ATP8B3: variants seen among roughly 807,000 people sequenced by gnomAD.
The protein encoded by ATP8B3 is phospholipid-transporting ATPase IK.
In ATP8B3, 141 loss-of-function variants were observed where a neutral mutation model predicts 140.9. The observed-to-expected ratio is 1.00, with a 90% CI of 0.87 to 1.15. The LOEUF (loss-of-function observed/expected upper bound fraction) is 1.15, where lower values mean the gene tolerates loss of function less well. Ranked by LOEUF, ATP8B3 falls within the 50% of genes most tolerant of loss-of-function variation. The pLI is 0.00. For missense variants in ATP8B3, 1,874 were observed against 1,740.6 expected (o/e 1.08, Z -1.36); for synonymous variants, 765 against 714.6 (o/e 1.07, Z -1.13).
At position 1,783,277 on chromosome 19, in the gene ATP8B3, A is replaced by C. The variant is rs1457770005; in HGVS notation, c.3661-7T>G. On this transcript the variant is annotated splice_region_variant and splice_polypyrimidine_tract_variant and intron_variant, in intron 28 of 28. Coordinates refer to ENST00000310127, the MANE Select transcript of ATP8B3 (RefSeq NM_138813.4). ...CCTCCTCCACCTTCTCCTCCTGAAG[A>C]GCAAAGGGGAGAGCAGGGGAAGCAG... 6.2e-7 allele frequency: 1 copy of C among 1,604,958 alleles called. No individual in the cohort carries two copies. The highest frequency in any genetic ancestry group is 1.7e-5 in the Admixed American group (1 of 58,576).
At position 1,807,316 on chromosome 19, in the gene ATP8B3, C is replaced by T. The variant is rs1469417715; in HGVS notation, c.517-50G>A. 2.0e-6 allele frequency: 3 copies of T among 1,481,252 alleles called. No homozygotes were observed. Among genetic ancestry groups the T allele is most frequent in the Non-Finnish European group, 2.8e-6 (3 of 1,066,614 alleles). 91.8% of individuals were successfully genotyped at this position (1,481,252 alleles called of 1,614,324 possible). ...GGTCACACCAGCCCACTCCCCCGTCCCCTGCCCTTCCACCAAGCCGACCTA... is the reference window on the plus strand; with the variant it reads ...GGTCACACCAGCCCACTCCCCCGTCTCCTGCCCTTCCACCAAGCCGACCTA... On this transcript the variant is annotated intron_variant, in intron 5 of 28. Coordinates refer to ENST00000310127, the MANE Select transcript of ATP8B3 (RefSeq NM_138813.4). The surrounding 1 kb of genome is among the most constrained non-coding windows in gnomAD (Gnocchi z 5.9).
At chr19:1,808,163 A>G in intron 5 of ATP8B3, 59 bp downstream of exon 5, 1 of 1,384,534 alleles carries the variant, frequency 7.2e-7, no homozygotes, top group Non-Finnish European at 1.0e-6. Context: ...ACACAGACAA[A>G]CACATCGATG....
At chr19:1,796,456 C>T (rs1162231282) in intron 16 of ATP8B3, among the ~76,000 whole-genome samples, 191 bp from the exon 17 acceptor site, 1 of 152,228 alleles carries the variant, frequency 6.6e-6, no homozygotes, top group South Asian at 2.1e-4. Context: ...AACAGATCCT[C>T]GGGCTCCGAC....
chr19:1,796,003 C>T lies in ATP8B3; in HGVS notation c.1943-16G>A. 1 of 1,612,882 alleles carries T rather than the reference C, an allele frequency of 6.2e-7. No homozygotes were observed. The highest frequency in any genetic ancestry group is 8.5e-7 in the Non-Finnish European group (1 of 1,179,722). On this transcript the variant is annotated splice_polypyrimidine_tract_variant and intron_variant, in intron 17 of 28. Transcript: ENST00000310127. The stretch of plus-strand genomic sequence containing the variant: ...GGCTTTCGAACTGTGGGGGAACAGG[C>T]CCTGCTGCCCACAGAGGCTCCCCGT...
chr19:1,803,367 A>C (rs1326764370), intron 10 of ATP8B3, among the ~76,000 whole-genome samples: 1 of 152,146 alleles, frequency 6.6e-6, no homozygotes, highest in Non-Finnish European at 1.5e-5. Flanking sequence ...TGGATGCAGG[A>C]ATTGGAGACG....
At chr19:1,809,989 G>A (rs1239690491) in intron 3 of ATP8B3, among the ~76,000 whole-genome samples, 1 of 152,238 alleles carries the variant, frequency 6.6e-6, no homozygotes, top group Non-Finnish European at 1.5e-5. Context: ...GTCCTGAGAC[G>A]CAGAGAACAG....
chr19:1,785,197 C>T lies in ATP8B3; in HGVS notation c.3494G>A (p.Trp1165Ter). 1.9e-6 allele frequency: 3 copies of T among 1,602,436 alleles called. No individual in the cohort carries two copies. Among genetic ancestry groups the T allele is most frequent in the Non-Finnish European group, 1.7e-6 (2 of 1,174,714 alleles). Residue 1165 changes from tryptophan to a stop codon, truncating the protein, a stop_gained, in exon 27 of 29, where the codon TGG becomes TAG. Transcript: ENST00000310127. LOFTEE classifies it high-confidence loss of function. ...AIMTTTTQSF[W>*]LFRVSPTTFP... Reference sequence around the variant, plus strand: ...GGTCGTGGGGGATACTCTGAAGAGCCAGAAGCTCTGGGTGGTGGTAGTCAT... The same window carrying T: ...GGTCGTGGGGGATACTCTGAAGAGCTAGAAGCTCTGGGTGGTGGTAGTCAT...
At chr19:1,803,568 G>T (rs975525023) in intron 10 of ATP8B3, among the ~76,000 whole-genome samples, 1 of 152,154 alleles carries the variant, frequency 6.6e-6, no homozygotes, top group Non-Finnish European at 1.5e-5. Flanking sequence ...AGGAAGAGCC[G>T]CTGCCTGTCT....
In ATP8B3 at chr19:1,806,059, C is replaced by A. The variant is rs948800974; in HGVS notation, c.750+38G>T. On this transcript the variant is annotated intron_variant, in intron 8 of 28. Transcript: ENST00000310127. This position sits in a 1 kb window ranked among gnomAD's most constrained non-coding sequence, Gnocchi z 5.6. The stretch of plus-strand genomic sequence containing the variant: ...GGGAGGGGTGCTCTCGGTGAGGGGG[C>A]GCGTGGTTCTGGGACCTCGGGGTCA... 5.0e-6 allele frequency: 8 copies of A among 1,601,630 alleles called. No homozygotes were observed. Among genetic ancestry groups the A allele is most frequent in the South Asian group, 1.1e-5 (1 of 89,754 alleles).
In ATP8B3 at chr19:1,806,961, G is replaced by A. The variant is rs369111542; in HGVS notation, c.615+207C>T. Among the ~76,000 whole-genome samples the A allele has an allele frequency of 1.7e-3, 266 of 152,114 alleles. No homozygotes were observed. The highest frequency in any genetic ancestry group is 3.1e-3 in the Non-Finnish European group (210 of 67,972). On this transcript the variant is annotated intron_variant, in intron 6 of 28. Coordinates refer to ENST00000310127, the MANE Select transcript of ATP8B3 (RefSeq NM_138813.4). This position sits in a 1 kb window ranked among gnomAD's most constrained non-coding sequence, Gnocchi z 5.6. ...CTCAATGGCCCCAAAACCACGCACC[G>A]ACAGAGCCAACGCCACCTGCGGCAC...
chr19:1,808,372 G>T, intron 4 of ATP8B3, 37 bp from the exon 5 acceptor site: 1 of 1,522,468 alleles, frequency 6.6e-7, no homozygotes, highest in Non-Finnish European at 9.0e-7. Context: ...GCAGAGGGGT[G>T]CCATCCAGGC....
chr19:1,799,982 G>A lies in ATP8B3; in HGVS notation c.1517C>T (p.Thr506Ile), dbSNP rs755878827. 7 of 1,605,826 alleles carry A rather than the reference G, an allele frequency of 4.4e-6. No homozygotes were observed. In the Admixed American group the frequency reaches 8.4e-5, roughly 19 times the overall value. Residue 506 changes from threonine (T) to isoleucine (I), a missense_variant, in exon 14 of 29, where the codon ACC (threonine) becomes ATC (isoleucine). By Grantham distance (89) the Thr-to-Ile change is moderately conservative (BLOSUM62 -1). Coordinates refer to ENST00000310127, the MANE Select transcript of ATP8B3 (RefSeq NM_138813.4). Reference sequence around the variant, plus strand: ...GCCGCTGATGCAGCACTTGTTGAAGGTCAAGATGTTCTGCGTGAGCGTGCC... The same window carrying A: ...GCCGCTGATGCAGCACTTGTTGAAGATCAAGATGTTCTGCGTGAGCGTGCC... ...KTGTLTQNIL[T>I]FNKCCISGRV... is the part of the protein sequence containing the mutation.
chr19:1,788,188 G>A (rs1326662271), intron 24 of ATP8B3, among the ~76,000 whole-genome samples: 1 of 152,190 alleles, frequency 6.6e-6, no homozygotes, highest in African/African-American at 2.4e-5. Flanking sequence ...TTCCCTACAC[G>A]CAGGGAATAG....
Position 1,788,972 on chromosome 19 carries a change from G to A in ATP8B3, c.2994C>T (p.Arg998=), listed in dbSNP as rs1488915069. 1 of 1,610,020 alleles carries A rather than the reference G, an allele frequency of 6.2e-7. No individual in the cohort carries two copies. The highest frequency in any genetic ancestry group is 8.5e-7 in the Non-Finnish European group (1 of 1,178,604). Residue 998 remains arginine, a synonymous_variant, in exon 24 of 29, where the codon CGC becomes CGT. Transcript: ENST00000310127. ...WSYVRICKFL[R]YFFYKSMASM... is the part of the protein sequence containing the mutation. ...TGGCCATGCTCTTGTAGAAGAAGTA[G>A]CGCAGGAACTTGCAGATCCGCACGT... is the stretch of plus-strand genomic sequence containing the variant.
At chr19:1,793,677 G>A (rs949562161) in intron 18 of ATP8B3, among the ~76,000 whole-genome samples, 7 of 152,328 alleles carry the variant, frequency 4.6e-5, no homozygotes, top group Non-Finnish European at 7.4e-5. Context: ...CTTACCCCCC[G>A]ACCCTGCCCC....
rs1277480420 is a variant in ATP8B3 at position 1,782,674 on chromosome 19, T to G, written c.*354A>C. On this transcript the variant is annotated 3_prime_UTR_variant, in exon 29 of 29. Transcript: ENST00000310127. Reference sequence around the variant, plus strand: ...GAAATGACTGGCTCCCCAGAGGCTGTGGCTGGCTCTCAAATGACGACAGCT... The same window carrying G: ...GAAATGACTGGCTCCCCAGAGGCTGGGGCTGGCTCTCAAATGACGACAGCT... 2 of 291,138 alleles carry G rather than the reference T, an allele frequency of 6.9e-6. No individual in the cohort carries two copies. The highest frequency in any genetic ancestry group is 4.4e-5 in the African/African-American group (2 of 45,876). The allele number at this position is 291,138 out of a possible 1,614,324, so 18.0% of individuals were successfully genotyped here. A position where few individuals can be genotyped will look rare whatever the true frequency, so the allele number is the denominator to read the frequency against.
rs556495046 is a variant in ATP8B3 at position 1,789,744 on chromosome 19, G to A, written c.2479-17C>T. 1.9e-6 allele frequency: 3 copies of A among 1,545,698 alleles called. No individual in the cohort carries two copies. Among genetic ancestry groups the A allele is most frequent in the East Asian group, 2.3e-5 (1 of 44,180 alleles). ...CAGTTTGTCCTGGCCGGCGGGGAGG[G>A]GGCTGTGCCAGGCGCCGTGGCCTCC... On this transcript the variant is annotated splice_polypyrimidine_tract_variant and intron_variant, in intron 22 of 28. Transcript: ENST00000310127.
chr19:1,811,728 A>G lies in ATP8B3; in HGVS notation c.9T>C (p.Thr3=). The G allele has an allele frequency of 1.9e-6, 3 of 1,593,086 alleles. No individual in the cohort carries two copies. The highest frequency in any genetic ancestry group is 2.6e-6 in the Non-Finnish European group (3 of 1,174,274). The change falls in exon 2 of 29, where the codon ACT becomes ACC. Residue 3 remains threonine (T), a synonymous_variant. Transcript: ENST00000310127. MG[T]GPAQTPRSTR... is the part of the protein sequence containing the mutation. ...TGCTCCTGGGAGTCTGAGCGGGGCC[A>G]GTGCCCATTCACCGCATGAGGAAAA...
At chr19:1,803,683 G>A (rs2145201571) in intron 10 of ATP8B3, among the ~76,000 whole-genome samples, 1 of 152,234 alleles carries the variant, frequency 6.6e-6, no homozygotes, top group Non-Finnish European at 1.5e-5. Context: ...GATCACCTGA[G>A]GTCAGGAGTT....
Sources: gnomAD v4.1 joint callset for allele counts (sites outside exome capture counted in the v4.1 genomes callset) on GRCh38, gnomAD v4.1.1 for gene constraint, Gnocchi (gnomAD v3.1) non-coding constraint, MANE v1.5 for transcripts, NCBI Gene and HGNC (gene_info 2026-07-23, HGNC 2026-07-21) for gene names.